The following SPN variants were observed in gnomAD, a reference collection of about 807,000 sequenced individuals.
SPN encodes the protein sialophorin, also known as leukosialin.
Under a neutral mutation model 8.4 loss-of-function variants are expected in SPN, and 6 were observed. The ratio of observed to expected loss-of-function variants is 0.72; its 90% CI spans 0.39 to 1.42. The LOEUF is 1.42. SPN is among the 40% of genes most tolerant of loss of function. The pLI is 0.02. For synonymous variants in SPN, 201 were observed against 222.6 expected, an observed-to-expected ratio of 0.90 and a Z score of 0.86; for missense variants, 517 against 530.6, an observed-to-expected ratio of 0.97 and a Z score of 0.25.
In SPN at chr16:29,664,642, G is replaced by C. The variant is rs774883009; in HGVS notation, c.914G>C (p.Gly305Ala). The C allele has an allele frequency of 8.8e-5, 138 of 1,560,792 alleles. No homozygotes were observed. Among genetic ancestry groups the C allele is most frequent in the Non-Finnish European group, 1.2e-4 (134 of 1,155,580 alleles). Residue 305 changes from glycine to alanine, a missense_variant, in exon 2 of 2, where the codon GGG becomes GCG. Transcript: ENST00000652691. The surrounding 1 kb of genome is among the most constrained non-coding windows in gnomAD (Gnocchi z 6.4). ...KRNGVVDAWA[G>A]PAQVPEEGAV... ...AACGGGGTGGTGGACGCCTGGGCTG[G>C]GCCAGCCCAGGTCCCTGAGGAGGGG...
rs1966818999 is a variant in SPN, at chr16:29,666,560, G to GCGCGCGCGCA, written c.*1638_*1639insACGCGCGCGC. Reference sequence around the variant, plus strand: ...CACACACACACACACACACGCGCGCGCGCGCGCGCTCTCCTGCGAACAGAG... The same window carrying GCGCGCGCGCA: ...CACACACACACACACACACGCGCGCGCGCGCGCGCACGCGCGCGCTCTCCTGCGAACAGAG... On this transcript the variant is annotated 3_prime_UTR_variant, in exon 2 of 2. Coordinates refer to ENST00000652691, the MANE Select transcript of SPN (RefSeq NM_003123.6). 4.5e-6 allele frequency: 1 copy of GCGCGCGCGCA among 220,132 alleles called. No homozygotes were observed. Among genetic ancestry groups the GCGCGCGCGCA allele is most frequent in the East Asian group, 1.2e-4 (1 of 8,050 alleles). The allele number at this position is 220,132 out of a possible 1,614,324, so 13.6% of individuals were successfully genotyped here. A position where few individuals can be genotyped will look rare whatever the true frequency, so the allele number is the denominator to read the frequency against.
chr16:29,670,078 TA>T lies in SPN; in HGVS notation c.*5148del, dbSNP rs1346715449. ...CAGGTGTAGTGGTGTGCGCCTGTGG[TA>T]CCAGCTACTCAAGAGGCGAAGGCAG... On this transcript the variant is annotated 3_prime_UTR_variant, in exon 2 of 2. Coordinates refer to ENST00000652691, the MANE Select transcript of SPN (RefSeq NM_003123.6). 1 of 165,722 alleles carries T rather than the reference TA, an allele frequency of 6.0e-6. No homozygotes were observed. The allele number at this position is 165,722 out of a possible 1,614,324, so 10.3% of individuals were successfully genotyped here.
At position 29,669,414 on chromosome 16, in the gene SPN, T is replaced by G. The variant is rs1381490468; in HGVS notation, c.*4483T>G. The G allele has an allele frequency of 6.2e-6, 1 of 161,608 alleles. No homozygotes were observed. Among genetic ancestry groups the G allele is most frequent in the Non-Finnish European group, 1.5e-5 (1 of 67,922 alleles). The allele number at this position is 161,608 out of a possible 1,614,324, so 10.0% of individuals were successfully genotyped here. A position where few individuals can be genotyped will look rare whatever the true frequency, so the allele number is the denominator to read the frequency against. ...TGGGGTTTCACCATGTTGGTCAAGC[T>G]GGTCTTGAACTCCCGACCTCTGCTG... On this transcript the variant is annotated 3_prime_UTR_variant, in exon 2 of 2. Coordinates refer to ENST00000652691, the MANE Select transcript of SPN (RefSeq NM_003123.6).
rs1206572289 is a variant in SPN, at chr16:29,666,736, TGAA to T, written c.*1807_*1809del. Reference sequence around the variant, plus strand: ...TCCAAGAGGAACCAGTGAGAGTGAGTGAAGGAGGGGCCTGGAGCCAGGGACTTC... The same window carrying T: ...TCCAAGAGGAACCAGTGAGAGTGAGTGGAGGGGCCTGGAGCCAGGGACTTC... On this transcript the variant is annotated 3_prime_UTR_variant, in exon 2 of 2. Transcript: ENST00000652691. The T allele has an allele frequency of 5.3e-6, 2 of 374,072 alleles. No homozygotes were observed. The highest frequency in any genetic ancestry group is 1.1e-5 in the Non-Finnish European group (2 of 179,200). 23.2% of individuals were successfully genotyped at this position (374,072 alleles called of 1,614,324 possible). A position where few individuals can be genotyped will look rare whatever the true frequency, so the allele number is the denominator to read the frequency against.
chr16:29,667,145 C>A lies in SPN; in HGVS notation c.*2214C>A. Reference sequence around the variant, plus strand: ...ACCAGCTTCTACCAGCCAGGCTGGGCACCCACTGGGCTGCATCTGGTGGCC... The same window carrying A: ...ACCAGCTTCTACCAGCCAGGCTGGGAACCCACTGGGCTGCATCTGGTGGCC... On this transcript the variant is annotated 3_prime_UTR_variant, in exon 2 of 2. Coordinates refer to ENST00000652691, the MANE Select transcript of SPN (RefSeq NM_003123.6). 1 of 419,112 alleles carries A rather than the reference C, an allele frequency of 2.4e-6. No homozygotes were observed. Among genetic ancestry groups the A allele is most frequent in the Non-Finnish European group, 5.0e-6 (1 of 198,592 alleles). The allele number at this position is 419,112 out of a possible 1,614,324, so 26.0% of individuals were successfully genotyped here.
Position 29,668,251 on chromosome 16 carries a change from C to A in SPN, c.*3320C>A. ...TGTATTTTTTGTAGAGATGGGGTTT[C>A]ACCATGTTGTCCCGGCTGGTCTCAA... On this transcript the variant is annotated 3_prime_UTR_variant, in exon 2 of 2. Transcript: ENST00000652691. 1 of 160,322 alleles carries A rather than the reference C, an allele frequency of 6.2e-6. No homozygotes were observed. The allele number at this position is 160,322 out of a possible 1,614,324, so 9.9% of individuals were successfully genotyped here. A position where few individuals can be genotyped will look rare whatever the true frequency, so the allele number is the denominator to read the frequency against.
In SPN at chr16:29,666,642, A is replaced by G. The variant is rs1966821466; in HGVS notation, c.*1711A>G. Reference sequence around the variant, plus strand: ...GGACTGGTCTGGCTGGCGCTTCCCCACTGCACGTTTCCAGGTTTAGTTTGT... The same window carrying G: ...GGACTGGTCTGGCTGGCGCTTCCCCGCTGCACGTTTCCAGGTTTAGTTTGT... On this transcript the variant is annotated 3_prime_UTR_variant, in exon 2 of 2. Transcript: ENST00000652691. 3.2e-6 allele frequency: 1 copy of G among 310,366 alleles called. No individual in the cohort carries two copies. Among genetic ancestry groups the G allele is most frequent in the Non-Finnish European group, 6.8e-6 (1 of 147,600 alleles). 19.2% of individuals were successfully genotyped at this position (310,366 alleles called of 1,614,324 possible). A position where few individuals can be genotyped will look rare whatever the true frequency, so the allele number is the denominator to read the frequency against.
rs764988909 is a variant in SPN, at chr16:29,663,664, G to A, written c.-34-31G>A. ...GGCCAGGTCCTCCGGCAACTCCCGC[G>A]TGTTCTGCTTCTCCGGCTGCCCACC... On this transcript the variant is annotated intron_variant, in intron 1 of 1. Transcript: ENST00000652691. This position sits in a 1 kb window ranked among gnomAD's most constrained non-coding sequence, Gnocchi z 4.3. The A allele has an allele frequency of 1.1e-4, 173 of 1,512,454 alleles. No homozygotes were observed. Among genetic ancestry groups the A allele is most frequent in the Admixed American group, 4.5e-4 (20 of 44,814 alleles). 93.7% of individuals were successfully genotyped at this position (1,512,454 alleles called of 1,614,324 possible). A position where few individuals can be genotyped will look rare whatever the true frequency, so the allele number is the denominator to read the frequency against.
chr16:29,667,927 T>TGTGC lies in SPN; in HGVS notation c.*3005_*3008dup, dbSNP rs1306105602. 6 of 166,768 alleles carry TGTGC rather than the reference T, an allele frequency of 3.6e-5. No individual in the cohort carries two copies. The highest frequency in any genetic ancestry group is 1.4e-4 in the African/African-American group (6 of 41,422). 10.3% of individuals were successfully genotyped at this position (166,768 alleles called of 1,614,324 possible). ...GTACGTGTGCATGTGCGTGCGTGCA[T>TGTGC]GTGCGTGCGTGCATGTGCCTGTGTG... On this transcript the variant is annotated 3_prime_UTR_variant, in exon 2 of 2. Coordinates refer to ENST00000652691, the MANE Select transcript of SPN (RefSeq NM_003123.6).
Position 29,664,695 on chromosome 16 carries a change from G to A in SPN, c.967G>A (p.Gly323Arg), listed in dbSNP as rs751064542. 1.9e-5 allele frequency: 29 copies of A among 1,487,576 alleles called. No homozygotes were observed. Among genetic ancestry groups the A allele is most frequent in the South Asian group, 2.8e-5 (2 of 72,364 alleles). The allele number at this position is 1,487,576 out of a possible 1,614,324, so 92.1% of individuals were successfully genotyped here. ...CGTGACAGTGACCGTGGGAGGGTCC[G>A]GGGGCGACAAGGGCTCTGGGTTCCC... ...GAVTVTVGGS[G>R]GDKGSGFPDG... Residue 323 changes from glycine to arginine, a missense_variant, in exon 2 of 2, where the codon GGG becomes AGG. Coordinates refer to ENST00000652691, the MANE Select transcript of SPN (RefSeq NM_003123.6). The surrounding 1 kb of genome is among the most constrained non-coding windows in gnomAD (Gnocchi z 6.4).
chr16:29,664,748 C>A lies in SPN; in HGVS notation c.1020C>A (p.Pro340=). Residue 340 remains proline, a synonymous_variant, in exon 2 of 2, where the codon CCC becomes CCA. Transcript: ENST00000652691. The surrounding 1 kb of genome is among the most constrained non-coding windows in gnomAD (Gnocchi z 6.4). Reference sequence around the variant, plus strand: ...ATGGGGAGGGGTCTAGCCGTCGGCCCACGCTCACCACTTTCTTTGGCAGAC... The same window carrying A: ...ATGGGGAGGGGTCTAGCCGTCGGCCAACGCTCACCACTTTCTTTGGCAGAC... ...FPDGEGSSRR[P]TLTTFFGRRK... 6.7e-7 allele frequency: 1 copy of A among 1,487,258 alleles called. No homozygotes were observed. The highest frequency in any genetic ancestry group is 8.9e-7 in the Non-Finnish European group (1 of 1,120,222). 92.1% of individuals were successfully genotyped at this position (1,487,258 alleles called of 1,614,324 possible).
At position 29,663,909 on chromosome 16, in the gene SPN, CAG is replaced by C; in HGVS notation, c.183_184del (p.Gln61HisfsTer12). On this transcript the variant is annotated frameshift_variant, in exon 2 of 2. Coordinates refer to ENST00000652691, the MANE Select transcript of SPN (RefSeq NM_003123.6). LOFTEE classifies it low-confidence loss of function (END_TRUNC). The surrounding 1 kb of genome is among the most constrained non-coding windows in gnomAD (Gnocchi z 4.3). The stretch of plus-strand genomic sequence containing the variant: ...CCCTAAGGCCGACAGCACTGGGGAC[CAG>C]ACCTCAGCCCTACCTCCCTCAACTT... ...SDPKADSTGD[Q>X]TSALPPSTSI... The C allele has an allele frequency of 1.9e-6, 3 of 1,614,100 alleles. No homozygotes were observed. Among genetic ancestry groups the C allele is most frequent in the Non-Finnish European group, 2.5e-6 (3 of 1,180,014 alleles).
chr16:29,663,548 T>C lies in SPN; in HGVS notation c.-34-147T>C. 10 of 806,262 alleles carry C rather than the reference T, an allele frequency of 1.2e-5. No homozygotes were observed. Among genetic ancestry groups the C allele is most frequent in the Non-Finnish European group, 1.9e-5 (10 of 514,906 alleles). 49.9% of individuals were successfully genotyped at this position (806,262 alleles called of 1,614,324 possible). A position where few individuals can be genotyped will look rare whatever the true frequency, so the allele number is the denominator to read the frequency against. On this transcript the variant is annotated intron_variant, in intron 1 of 1. Transcript: ENST00000652691. This position sits in a 1 kb window ranked among gnomAD's most constrained non-coding sequence, Gnocchi z 4.3. Reference sequence around the variant, plus strand: ...CTGCCAGCATCTGTTCCTCTGTCATTTCTGATAACAGTAAAAGCCAGCATG... The same window carrying C: ...CTGCCAGCATCTGTTCCTCTGTCATCTCTGATAACAGTAAAAGCCAGCATG...
At position 29,670,036 on chromosome 16, in the gene SPN, A is replaced by C. The variant is rs532289994; in HGVS notation, c.*5105A>C. On this transcript the variant is annotated 3_prime_UTR_variant, in exon 2 of 2. Coordinates refer to ENST00000652691, the MANE Select transcript of SPN (RefSeq NM_003123.6). ...GACCCCTATCTCTACAAAAAATTTG[A>C]AATATGAAAAATTAGCCAGGTGTAG... The C allele has an allele frequency of 5.4e-5, 9 of 166,940 alleles. No individual in the cohort carries two copies. The highest frequency in any genetic ancestry group is 1.9e-4 in the African/African-American group (8 of 41,496). 10.3% of individuals were successfully genotyped at this position (166,940 alleles called of 1,614,324 possible).
rs779631820 is a variant in SPN at position 29,664,561 on chromosome 16, G to A, written c.833G>A (p.Arg278His). 1.4e-5 allele frequency: 22 copies of A among 1,613,006 alleles called. No individual in the cohort carries two copies. Among genetic ancestry groups the A allele is most frequent in the South Asian group, 6.6e-5 (6 of 90,996 alleles). ...CTCGTGGCTCTGCTCCTGCTGTGGC[G>A]CCGGCGGCAGAAGCGGCGGACTGGG... Reference protein sequence around the residue: ...IVLVALLLLWRRRQKRRTGAL... With the variant: ...IVLVALLLLWHRRQKRRTGAL... Residue 278 changes from arginine to histidine, a missense_variant, in exon 2 of 2, where the codon CGC becomes CAC. Physicochemically the swap from Arg to His is conservative, Grantham distance 29. Coordinates refer to ENST00000652691, the MANE Select transcript of SPN (RefSeq NM_003123.6). The surrounding 1 kb of genome is among the most constrained non-coding windows in gnomAD (Gnocchi z 6.4).
At position 29,667,946 on chromosome 16, in the gene SPN, CTG is replaced by C. The variant is rs533280526; in HGVS notation, c.*3023_*3024del. ...CGTGCATGTGCGTGCGTGCATGTGCCTGTGTGTGTATGTGTGCACATGTGTGT... is the reference window on the plus strand; with the variant it reads ...CGTGCATGTGCGTGCGTGCATGTGCCTGTGTGTATGTGTGCACATGTGTGT... On this transcript the variant is annotated 3_prime_UTR_variant, in exon 2 of 2. Coordinates refer to ENST00000652691, the MANE Select transcript of SPN (RefSeq NM_003123.6). The C allele has an allele frequency of 2.5e-3, 420 of 166,166 alleles. 1 individual carries two copies. Among genetic ancestry groups the C allele is most frequent in the African/African-American group, 9.1e-3 (374 of 41,126 alleles). 10.3% of individuals were successfully genotyped at this position (166,166 alleles called of 1,614,324 possible).
Position 29,664,186 on chromosome 16 carries a change from C to T in SPN, c.458C>T (p.Thr153Met), listed in dbSNP as rs201256378. ...SSRTSGAPVTTAASSLETSRG... is the reference protein window; with the variant it reads ...SSRTSGAPVTMAASSLETSRG... ...AGGACCAGTGGAGCCCCTGTTACCACGGCAGCTAGCTCTCTGGAGACCTCC... is the reference window on the plus strand; with the variant it reads ...AGGACCAGTGGAGCCCCTGTTACCATGGCAGCTAGCTCTCTGGAGACCTCC... Residue 153 changes from threonine (T) to methionine (M), a missense_variant, in exon 2 of 2, where the codon ACG becomes ATG. By Grantham distance (81) the Thr-to-Met change is moderately conservative (BLOSUM62 -1). Transcript: ENST00000652691. This position sits in a 1 kb window ranked among gnomAD's most constrained non-coding sequence, Gnocchi z 6.4. 133 of 1,613,856 alleles carry T rather than the reference C, an allele frequency of 8.2e-5. No homozygotes were observed. The highest frequency in any genetic ancestry group is 1.1e-4 in the African/African-American group (8 of 74,942).
chr16:29,667,820 G>T lies in SPN; in HGVS notation c.*2889G>T. 6.1e-6 allele frequency: 1 copy of T among 163,954 alleles called. No homozygotes were observed. The allele number at this position is 163,954 out of a possible 1,614,324, so 10.2% of individuals were successfully genotyped here. On this transcript the variant is annotated 3_prime_UTR_variant, in exon 2 of 2. Coordinates refer to ENST00000652691, the MANE Select transcript of SPN (RefSeq NM_003123.6). ...TAAATAAAAGAGAGGCACAAACAGT[G>T]TTATGAATGCACCAAGGAAAATGGT...
rs1261332080 is a variant in SPN, at chr16:29,666,576, G to A, written c.*1645G>A. ...CACGCGCGCGCGCGCGCGCTCTCCTGCGAACAGAGGCAGGGGGAGAGGGGT... is the reference window on the plus strand; with the variant it reads ...CACGCGCGCGCGCGCGCGCTCTCCTACGAACAGAGGCAGGGGGAGAGGGGT... On this transcript the variant is annotated 3_prime_UTR_variant, in exon 2 of 2. Transcript: ENST00000652691. 8.5e-6 allele frequency: 2 copies of A among 234,422 alleles called. No individual in the cohort carries two copies. The highest frequency in any genetic ancestry group is 9.1e-6 in the Non-Finnish European group (1 of 109,390). The allele number at this position is 234,422 out of a possible 1,614,324, so 14.5% of individuals were successfully genotyped here. A position where few individuals can be genotyped will look rare whatever the true frequency, so the allele number is the denominator to read the frequency against.
Sources: allele counts gnomAD v4.1 joint callset, GRCh38; gene constraint gnomAD v4.1.1; non-coding constraint Gnocchi (gnomAD v3.1); transcripts MANE v1.5; gene names NCBI Gene and HGNC (gene_info 2026-07-23, HGNC 2026-07-21).